FLNC: variants seen among roughly 807,000 people sequenced by gnomAD.
The protein encoded by FLNC is filamin-C.
FLNC carries 91 observed loss-of-function variants against 254.3 expected under a neutral mutation model. The observed-to-expected ratio is 0.36, with a 90% CI of 0.30 to 0.43. The LOEUF (loss-of-function observed/expected upper bound fraction) is 0.43. FLNC is among the 20% of genes least tolerant of loss of function. The probability of loss-of-function intolerance (pLI) is 1.00; values close to 1 mark genes in which losing one functional copy is unlikely to be tolerated. For missense variants in FLNC, 2,853 were observed against 3,802.6 expected (o/e 0.75, Z 6.57); for synonymous variants, 1,430 against 1,577.2 (o/e 0.91, Z 2.21).
At position 128,856,335 on chromosome 7, in the gene FLNC, G is replaced by C. The variant is rs1191429074; in HGVS notation, c.7252-183G>C. Reference sequence around the variant, plus strand: ...GCTAGGATAGCAGGTGCACACATAGGGTTGCATACCGGACCCTGGCTCCTC... The same window carrying C: ...GCTAGGATAGCAGGTGCACACATAGCGTTGCATACCGGACCCTGGCTCCTC... On this transcript the variant is annotated intron_variant, in intron 43 of 47. Transcript: ENST00000325888. This position sits in a 1 kb window ranked among gnomAD's most constrained non-coding sequence, Gnocchi z 5.9. Among the ~76,000 whole-genome samples, 1 of 152,220 alleles carries C rather than the reference G, an allele frequency of 6.6e-6. No homozygotes were observed. Among genetic ancestry groups the C allele is most frequent in the Non-Finnish European group, 1.5e-5 (1 of 68,026 alleles).
At position 128,856,584 on chromosome 7, in the gene FLNC, A is replaced by G; in HGVS notation, c.7318A>G (p.Ile2440Val). The G allele has an allele frequency of 6.2e-7, 1 of 1,612,784 alleles. No individual in the cohort carries two copies. Among genetic ancestry groups the G allele is most frequent in the Non-Finnish European group, 8.5e-7 (1 of 1,180,002 alleles). ...AVQLNGARGV[I>V]DARVHTPSGA... ...GCAGCTGAACGGTGCCCGGGGCGTG[A>G]TTGATGCCCGGGTGCACACACCCTC... The change falls in exon 44 of 48, where the codon ATT becomes GTT. Residue 2440 changes from isoleucine to valine, a missense_variant. By Grantham distance (29) the Ile-to-Val change is conservative. This residue lies in a region of FLNC where 47 missense variants were observed against 40.3 expected (regional missense o/e 1.17). Coordinates refer to ENST00000325888, the MANE Select transcript of FLNC (RefSeq NM_001458.5). The surrounding 1 kb of genome is among the most constrained non-coding windows in gnomAD (Gnocchi z 5.9).
In FLNC at chr7:128,854,899, C is replaced by A; in HGVS notation, c.7122C>A (p.Val2374=). ...ATGGCTCCTGCGGCGTCTCCTATGT[C>A]GTCCAGGAACCAGGTGGGCGTCCAC... is the stretch of plus-strand genomic sequence containing the variant. The part of the protein sequence containing the change: ...RKDGSCGVSY[V]VQEPGDYEVS... Residue 2374 remains valine (V), a synonymous_variant, in exon 42 of 48, where the codon GTC becomes GTA. Coordinates refer to ENST00000325888, the MANE Select transcript of FLNC (RefSeq NM_001458.5). 6.2e-7 allele frequency: 1 copy of A among 1,614,072 alleles called. No individual in the cohort carries two copies. Among genetic ancestry groups the A allele is most frequent in the Non-Finnish European group, 8.5e-7 (1 of 1,180,022 alleles).
Position 128,857,005 on chromosome 7 carries a change from G to C in FLNC, c.7561+84G>C. On this transcript the variant is annotated intron_variant, in intron 45 of 47. Coordinates refer to ENST00000325888, the MANE Select transcript of FLNC (RefSeq NM_001458.5). The surrounding 1 kb of genome is among the most constrained non-coding windows in gnomAD (Gnocchi z 4.5). The stretch of plus-strand genomic sequence containing the variant: ...GTGCTGCTTTGCTCCAGAGGTAGGG[G>C]CCCTGCTTCCTAAGCCAGGAGTCCC... 1 of 1,577,292 alleles carries C rather than the reference G, an allele frequency of 6.3e-7. No individual in the cohort carries two copies. Among genetic ancestry groups the C allele is most frequent in the Non-Finnish European group, 8.7e-7 (1 of 1,149,230 alleles).
In FLNC at chr7:128,848,607, C is replaced by A; in HGVS notation, c.4627C>A (p.Arg1543=). 1 of 1,613,778 alleles carries A rather than the reference C, an allele frequency of 6.2e-7. No homozygotes were observed. Among genetic ancestry groups the A allele is most frequent in the Non-Finnish European group, 8.5e-7 (1 of 1,180,004 alleles). The change falls in exon 27 of 48, where the codon CGG becomes AGG. Residue 1543 remains arginine, a synonymous_variant. Coordinates refer to ENST00000325888, the MANE Select transcript of FLNC (RefSeq NM_001458.5). ...CCCAGCTCATGATGCCAGCAAGGTG[C>A]GGGCCAGCGGCCCAGGCCTCAACGC... ...VLPAHDASKV[R]ASGPGLNASG...
In FLNC at chr7:128,841,023, G is replaced by T; in HGVS notation, c.1813+53G>T. The T allele has an allele frequency of 1.3e-6, 2 of 1,570,104 alleles. No individual in the cohort carries two copies. Among genetic ancestry groups the T allele is most frequent in the Non-Finnish European group, 1.7e-6 (2 of 1,154,954 alleles). The stretch of plus-strand genomic sequence containing the variant: ...AGTGCTGCGGGGGAGGGCAGCAGGG[G>T]ACACTGTGGGTAATGGGTGCAGTGC... On this transcript the variant is annotated intron_variant, in intron 11 of 47. Transcript: ENST00000325888. The surrounding 1 kb of genome is among the most constrained non-coding windows in gnomAD (Gnocchi z 4.3).
chr7:128,843,469 G>C lies in FLNC; in HGVS notation c.2703G>C (p.Lys901Asn). 1.9e-6 allele frequency: 3 copies of C among 1,614,150 alleles called. No individual in the cohort carries two copies. Among genetic ancestry groups the C allele is most frequent in the Non-Finnish European group, 2.5e-6 (3 of 1,180,034 alleles). The change falls in exon 18 of 48, where the codon AAG (lysine) becomes AAC (asparagine). Residue 901 changes from lysine to asparagine, a missense_variant. Transcript: ENST00000325888. ...TGACCAAGGGAGCCGGCAAGGCCAA[G>C]CTGGATGTGCAGTTTGCAGGGACAG... ...TVLTKGAGKA[K>N]LDVQFAGTAK...
At chr7:128,834,319 C>CG (rs1474857873) in intron 1 of FLNC, among the ~76,000 whole-genome samples, 1 of 150,636 alleles carries the variant, frequency 6.6e-6, no homozygotes, top group Non-Finnish European at 1.5e-5. Flanking sequence ...GCGCCCCCCC[C>CG]CCCCAAATCT....
In FLNC at chr7:128,848,824, T is replaced by C. The variant is rs1808679455; in HGVS notation, c.4769T>C (p.Ile1590Thr). ...DPEGKPKKAN[I>T]RDNGDGTYTV... ...GAGGGTAAGCCCAAGAAGGCCAACA[T>C]CCGGGACAATGGGGATGGCACGTAC... Residue 1590 changes from isoleucine (I) to threonine (T), a missense_variant, in exon 28 of 48, where the codon ATC becomes ACC. Ile to Thr is a moderately conservative substitution (Grantham distance 89). Around this residue, in one of 10 missense-constraint regions of FLNC, gnomAD observed 1,573 missense variants for 1,883.5 expected, o/e 0.84. Transcript: ENST00000325888. 6.2e-7 allele frequency: 1 copy of C among 1,614,022 alleles called. No individual in the cohort carries two copies. Among genetic ancestry groups the C allele is most frequent in the Non-Finnish European group, 8.5e-7 (1 of 1,180,002 alleles).
rs76046880 is a variant in FLNC, at chr7:128,840,612, C to T, written c.1614C>T (p.Tyr538=). The T allele has an allele frequency of 0.034, 54,542 of 1,614,176 alleles. 1,144 individuals are homozygous for T. The highest frequency in any genetic ancestry group is 0.037 in the Non-Finnish European group (43,391 of 1,180,006). ...ATGGTGTGTTCGAGTGCGAGTACTA[C>T]CCGGTGGTGCCTGGGAAGTATGTGG... The part of the protein sequence containing the change: ...AGDGVFECEY[Y]PVVPGKYVVT... The change falls in exon 10 of 48, where the codon TAC becomes TAT. Residue 538 remains tyrosine (Y), a synonymous_variant. Transcript: ENST00000325888.
intron 43 of FLNC, among the ~76,000 whole-genome samples, chr7:128,855,697 C>T (rs1010152477): frequency 2.6e-5 from 4 of 152,226 alleles, no homozygotes; most frequent in Non-Finnish European, 4.4e-5. Flanking sequence ...TGAGAGGCTC[C>T]TCTAAAGGGA....
At position 128,848,948 on chromosome 7, in the gene FLNC, G is replaced by C. The variant is rs1241235155; in HGVS notation, c.4893G>C (p.Leu1631=). The C allele has an allele frequency of 6.2e-7, 1 of 1,612,756 alleles. No homozygotes were observed. Among genetic ancestry groups the C allele is most frequent in the East Asian group, 2.2e-5 (1 of 44,854 alleles). ...ACTCGCCCTTCCGCATCCATGCTCT[G>C]CCCACTGGGGATGCCAGCAAGTGCC... The part of the protein sequence containing the change: ...IPYSPFRIHA[L]PTGDASKCLV... The change falls in exon 28 of 48, where the codon CTG becomes CTC. Residue 1631 remains leucine, a synonymous_variant. Coordinates refer to ENST00000325888, the MANE Select transcript of FLNC (RefSeq NM_001458.5).
At chr7:128,851,105 C>T in intron 33 of FLNC, 127 bp from the exon 34 acceptor site, 1 of 1,550,354 alleles carries the variant, frequency 6.5e-7, no homozygotes, top group East Asian at 2.3e-5. Context: ...AGCAGACCTC[C>T]ACCAGCTGGG....
intron 5 of FLNC, 77 bp from the exon 6 acceptor site, chr7:128,837,909 TG>T: frequency 7.0e-7 from 1 of 1,424,888 alleles, no homozygotes; most frequent in Non-Finnish European, 9.9e-7. Flanking sequence ...TGAGTGGGGC[TG>T]GGGTGCATAA....
At position 128,854,463 on chromosome 7, in the gene FLNC, A is replaced by G; in HGVS notation, c.6778A>G (p.Lys2260Glu). ...TGCACAGGTGACCAGCCCATCGGGC[A>G]AGGTGGAAGCCGCAGAGATCGTCGA... ...MTAQVTSPSG[K>E]VEAAEIVEGE... The change falls in exon 41 of 48, where the codon AAG becomes GAG. Residue 2260 changes from lysine to glutamate, a missense_variant. This residue lies in a region of FLNC where 551 missense variants were observed against 835.0 expected (regional missense o/e 0.66). Coordinates refer to ENST00000325888, the MANE Select transcript of FLNC (RefSeq NM_001458.5). 6.2e-7 allele frequency: 1 copy of G among 1,609,462 alleles called. No homozygotes were observed. Among genetic ancestry groups the G allele is most frequent in the South Asian group, 1.1e-5 (1 of 90,166 alleles).
At chr7:128,848,274 G>C (rs1189951550) in intron 26 of FLNC, among the ~76,000 whole-genome samples, 2 of 152,096 alleles carry the variant, frequency 1.3e-5, no homozygotes, top group Non-Finnish European at 2.9e-5. Flanking sequence ...CAAACCTAGC[G>C]CCTTAGGAAG....
chr7:128,837,963 T>C (rs1808166698), intron 5 of FLNC, 24 bp from the exon 6 acceptor site: 1 of 1,607,176 alleles, frequency 6.2e-7, no homozygotes, highest in African/African-American at 1.3e-5. Flanking sequence ...TGGAGAGGCT[T>C]CCAATCTTTT....
Position 128,848,785 on chromosome 7 carries a change from TC to T in FLNC, c.4738-5del, listed in dbSNP as rs1447092352. On this transcript the variant is annotated splice_polypyrimidine_tract_variant and splice_region_variant and intron_variant, in intron 27 of 47. Transcript: ENST00000325888. ...ACAGGCGGGCCTTGACCTCTGCTTCTCCCTCAGGACCCCGAGGGTAAGCCCA... is the reference window on the plus strand; with the variant it reads ...ACAGGCGGGCCTTGACCTCTGCTTCTCCTCAGGACCCCGAGGGTAAGCCCA... 1 of 1,613,864 alleles carries T rather than the reference TC, an allele frequency of 6.2e-7. No homozygotes were observed. The highest frequency in any genetic ancestry group is 8.5e-7 in the Non-Finnish European group (1 of 1,179,984).
At chr7:128,848,168 C>T (rs1037248171) in intron 26 of FLNC, 100 bp downstream of exon 26, 10 of 1,411,098 alleles carry the variant, frequency 7.1e-6, no homozygotes, top group Admixed American at 3.9e-5. Flanking sequence ...GGGAGAGCCT[C>T]TCCCAGCTCT....
chr7:128,857,866 G>A lies in FLNC; in HGVS notation c.7781-142G>A. The A allele has an allele frequency of 1.4e-6, 1 of 716,146 alleles. No individual in the cohort carries two copies. Among genetic ancestry groups the A allele is most frequent in the Admixed American group, 2.0e-5 (1 of 49,404 alleles). The allele number at this position is 716,146 out of a possible 1,614,324, so 44.4% of individuals were successfully genotyped here. A position where few individuals can be genotyped will look rare whatever the true frequency, so the allele number is the denominator to read the frequency against. ...GGGAATGAGGCTGTGCTCCTAGAGTGGCCCTTGGAGGAATTTGAGGGGGAG... is the reference window on the plus strand; with the variant it reads ...GGGAATGAGGCTGTGCTCCTAGAGTAGCCCTTGGAGGAATTTGAGGGGGAG... On this transcript the variant is annotated intron_variant, in intron 46 of 47. Coordinates refer to ENST00000325888, the MANE Select transcript of FLNC (RefSeq NM_001458.5). This position sits in a 1 kb window ranked among gnomAD's most constrained non-coding sequence, Gnocchi z 4.5.
Sources: gnomAD v4.1 joint callset for allele counts (sites outside exome capture counted in the v4.1 genomes callset) on GRCh38, gnomAD v4.1.1 for gene constraint, gnomAD v4.1.1 regional missense constraint, Gnocchi (gnomAD v3.1) non-coding constraint, MANE v1.5 for transcripts, NCBI Gene and HGNC (gene_info 2026-07-23, HGNC 2026-07-21) for gene names.